The following SMAP2 variants were observed in gnomAD, a reference collection of about 807,000 sequenced individuals.
SMAP2 encodes stromal membrane-associated protein 2.
A neutral mutation model predicts 56.4 loss-of-function variants in SMAP2; 25 were observed. The ratio of observed to expected loss-of-function variants is 0.44; its 90% CI spans 0.32 to 0.62. SMAP2 has a LOEUF of 0.62. Ranked by LOEUF, SMAP2 falls within the 20% of genes least tolerant of loss-of-function variation. The pLI is 0.04. For synonymous variants in SMAP2, 157 were observed against 181.7 expected, an observed-to-expected ratio of 0.86 and a Z score of 1.09; for missense variants, 388 against 545.6, an observed-to-expected ratio of 0.71 and a Z score of 2.88.
chr1:40,360,634 G>A (rs1481044204), intron 1 of SMAP2, among the ~76,000 whole-genome samples: 1 of 152,166 alleles, frequency 6.6e-6, no homozygotes, highest in African/African-American at 2.4e-5. Context: ...TGATGGCACT[G>A]CTCCCCCATT....
intron 1 of SMAP2, among the ~76,000 whole-genome samples, chr1:40,393,748 G>T (rs1236235174): frequency 2.0e-5 from 3 of 152,014 alleles, no homozygotes; most frequent in Admixed American, 6.5e-5. Context: ...GTTTCAGCAT[G>T]TTGGCCAGGC....
In SMAP2 at chr1:40,397,252, T is replaced by C. The variant is rs542722685; in HGVS notation, c.104-9484T>C. On this transcript the variant is annotated intron_variant, in intron 1 of 9. Transcript: ENST00000372718. ...GTAGGACTGTAGTAGTAGAAAGAACTGTAGGGCTCATTGTTCACCCAATTC... is the reference window on the plus strand; with the variant it reads ...GTAGGACTGTAGTAGTAGAAAGAACCGTAGGGCTCATTGTTCACCCAATTC... Among the ~76,000 whole-genome samples, 13 of 152,328 alleles carry C rather than the reference T, an allele frequency of 8.5e-5. No homozygotes were observed. In the South Asian group the frequency reaches 2.7e-3, roughly 32 times the overall value.
At chr1:40,370,766 T>G (rs1569829969), upstream of SMAP2, among the ~76,000 whole-genome samples, 4 of 125,020 alleles carry the variant, frequency 3.2e-5, no homozygotes, top group African/African-American at 6.4e-5. Context: ...AGATGACGAG[T>G]TAGTGGGTGC....
upstream of SMAP2, among the ~76,000 whole-genome samples, chr1:40,373,468 T>C (rs1644511065): frequency 6.6e-6 from 1 of 152,148 alleles, no homozygotes; most frequent in African/African-American, 2.4e-5. Flanking sequence ...TAAATGTTAG[T>C]TGTTGTCTTC....
At position 40,422,548 on chromosome 1, in the gene SMAP2, A is replaced by G. The variant is rs1191549174; in HGVS notation, c.*447A>G. 1 of 163,132 alleles carries G rather than the reference A, an allele frequency of 6.1e-6. No individual in the cohort carries two copies. The highest frequency in any genetic ancestry group is 1.4e-5 in the Non-Finnish European group (1 of 73,438). The allele number at this position is 163,132 out of a possible 1,614,324, so 10.1% of individuals were successfully genotyped here. On this transcript the variant is annotated 3_prime_UTR_variant, in exon 10 of 10. Coordinates refer to ENST00000372718, the MANE Select transcript of SMAP2 (RefSeq NM_022733.3). Reference sequence around the variant, plus strand: ...TAAGTGTTTAAATTTGAAAAGCATCATGTTCTCATGATTTATGGGAATGAA... The same window carrying G: ...TAAGTGTTTAAATTTGAAAAGCATCGTGTTCTCATGATTTATGGGAATGAA...
chr1:40,415,140 G>T, intron 6 of SMAP2, 132 bp from the exon 7 acceptor site: 1 of 709,856 alleles, frequency 1.4e-6, no homozygotes. Context: ...CCCCGTCCAT[G>T]CTAGATGGTT....
intron 1 of SMAP2, among the ~76,000 whole-genome samples, chr1:40,399,310 A>ATTTTTTTTT (rs747127620): frequency 6.7e-4 from 62 of 91,932 alleles, no homozygotes; most frequent in Non-Finnish European, 1.0e-3. Flanking sequence ...ACGTGTGGCT[A>ATTTTTTTTT]TTTTTTTTTT....
intron 1 of SMAP2, chr1:40,393,464 A>G: frequency 2.0e-6 from 3 of 1,535,610 alleles, no homozygotes; most frequent in East Asian, 2.4e-5. Flanking sequence ...ATGTTTTGCA[A>G]ATAGAGGAAA....
At position 40,374,785 on chromosome 1, in the gene SMAP2, C is replaced by G; in HGVS notation, c.103+562C>G. ...GCCTTGCTAAGATCTGACAAGAGTG[C>G]TTAGGTGACTTTATTCTTCTGGATG... On this transcript the variant is annotated intron_variant, in intron 1 of 9. Transcript: ENST00000372718. This position sits in a 1 kb window ranked among gnomAD's most constrained non-coding sequence, Gnocchi z 5.9. 1.3e-6 allele frequency: 2 copies of G among 1,550,374 alleles called. No homozygotes were observed. Among genetic ancestry groups the G allele is most frequent in the Non-Finnish European group, 1.7e-6 (2 of 1,146,876 alleles).
intron 3 of SMAP2, 150 bp from the exon 4 acceptor site, chr1:40,409,607 A>G (rs1245049786): frequency 1.7e-6 from 1 of 604,750 alleles, no homozygotes. Flanking sequence ...GGTTTTGGTC[A>G]GAGAAATTGC....
At chr1:40,359,715 G>A (rs1463633867) in intron 1 of SMAP2, among the ~76,000 whole-genome samples, 9 of 151,766 alleles carry the variant, frequency 5.9e-5, no homozygotes, top group Non-Finnish European at 1.0e-4. Flanking sequence ...TTACCATAAG[G>A]ACTGCAAATC....
In SMAP2 at chr1:40,374,346, C is replaced by G. The variant is rs1254355077; in HGVS notation, c.103+123C>G. 1 of 829,028 alleles carries G rather than the reference C, an allele frequency of 1.2e-6. No homozygotes were observed. Among genetic ancestry groups the G allele is most frequent in the East Asian group, 2.7e-5 (1 of 37,640 alleles). The allele number at this position is 829,028 out of a possible 1,614,324, so 51.4% of individuals were successfully genotyped here. Reference sequence around the variant, plus strand: ...CTCGGCTTATAAGTGGTAACGCGTGCTGCGCTTGCAGTGAGCCTACTGGGC... The same window carrying G: ...CTCGGCTTATAAGTGGTAACGCGTGGTGCGCTTGCAGTGAGCCTACTGGGC... On this transcript the variant is annotated intron_variant, in intron 1 of 9. Coordinates refer to ENST00000372718, the MANE Select transcript of SMAP2 (RefSeq NM_022733.3). The surrounding 1 kb of genome is among the most constrained non-coding windows in gnomAD (Gnocchi z 5.9).
At chr1:40,413,686 T>C (rs1644959599) in intron 5 of SMAP2, among the ~76,000 whole-genome samples, 1 of 152,214 alleles carries the variant, frequency 6.6e-6, no homozygotes, top group Non-Finnish European at 1.5e-5. Flanking sequence ...CTGAATCACA[T>C]TGTCTGTGGA....
chr1:40,359,988 TTTC>T (rs1263114375), intron 1 of SMAP2, among the ~76,000 whole-genome samples: 3 of 148,716 alleles, frequency 2.0e-5, no homozygotes, highest in Admixed American at 1.4e-4. Flanking sequence ...GACAGACTTT[TTTC>T]TTCTTCTTCT....
intron 1 of SMAP2, among the ~76,000 whole-genome samples, chr1:40,391,456 T>A (rs924604963): frequency 6.6e-6 from 1 of 152,192 alleles, no homozygotes; most frequent in African/African-American, 2.4e-5. Flanking sequence ...AGCCTGCTAT[T>A]AGCCTTGGTC....
At chr1:40,396,077 G>A (rs3013457) in intron 1 of SMAP2, among the ~76,000 whole-genome samples, 24,347 of 152,006 alleles carry the variant, frequency 0.16, 2,512 homozygotes, top group African/African-American at 0.29. Context: ...TTGGTTCAGC[G>A]GGCTTGTATT....
At chr1:40,409,906 T>C in intron 4 of SMAP2, 71 bp downstream of exon 4, 1 of 1,031,222 alleles carries the variant, frequency 9.7e-7, no homozygotes, top group South Asian at 1.3e-5. Context: ...AGAGAACACG[T>C]TGAAGAACTG....
chr1:40,377,987 T>TA (rs1644557847), intron 1 of SMAP2, among the ~76,000 whole-genome samples: 1 of 152,240 alleles, frequency 6.6e-6, no homozygotes, highest in Admixed American at 6.5e-5. Context: ...ATCTCTAGAT[T>TA]ACTTATAATA....
intron 9 of SMAP2, among the ~76,000 whole-genome samples, chr1:40,421,089 GT>G (rs1177183752): frequency 6.6e-6 from 1 of 150,932 alleles, no homozygotes; most frequent in East Asian, 2.0e-4. Flanking sequence ...AAAAATGTAA[GT>G]TTTTTTATAG....
Sources: gnomAD v4.1 joint callset for allele counts (sites outside exome capture counted in the v4.1 genomes callset) on GRCh38, gnomAD v4.1.1 for gene constraint, Gnocchi (gnomAD v3.1) non-coding constraint, MANE v1.5 for transcripts, NCBI Gene and HGNC (gene_info 2026-07-23, HGNC 2026-07-21) for gene names.